The following SIRT7 variants were observed in gnomAD, a reference collection of about 807,000 sequenced individuals.
The protein encoded by SIRT7 is NAD-dependent protein deacetylase sirtuin-7.
Under a neutral mutation model 42.8 loss-of-function variants are expected in SIRT7, and 32 were observed. The observed-to-expected ratio is 0.75, with a 90% CI of 0.56 to 1.00. The LOEUF is 1.00. Among genes scored for constraint, SIRT7 ranks in the 50% least tolerant of loss-of-function variants. SIRT7 has a pLI of 0.00. For synonymous variants in SIRT7, 297 were observed against 245.2 expected (o/e 1.21, Z -1.97); for missense variants, 553 against 572.2 (o/e 0.97, Z 0.34).
Position 81,913,696 on chromosome 17 carries a change from C to G in SIRT7, c.1004+78G>C. The G allele has an allele frequency of 8.0e-7, 1 of 1,252,682 alleles. No homozygotes were observed. The highest frequency in any genetic ancestry group is 1.1e-6 in the Non-Finnish European group (1 of 881,934). The allele number at this position is 1,252,682 out of a possible 1,614,324, so 77.6% of individuals were successfully genotyped here. ...CAAACACCTCAGAGCTTCCTCCACA[C>G]TCAGCTCACGAGAGAAGACAGACAA... is the stretch of plus-strand genomic sequence containing the variant. On this transcript the variant is annotated intron_variant, in intron 9 of 9. Transcript: ENST00000328666. The surrounding 1 kb of genome is among the most constrained non-coding windows in gnomAD (Gnocchi z 5.0).
chr17:81,916,451 A>G (rs937041884), intron 3 of SIRT7: 1 of 146,972 alleles, frequency 6.8e-6, no homozygotes, highest in Non-Finnish European at 1.5e-5. Context: ...ACATAATTAC[A>G]TGACTGGACT....
At position 81,914,344 on chromosome 17, in the gene SIRT7, C is replaced by G. The variant is rs140054427; in HGVS notation, c.766G>C (p.Glu256Gln). 1 of 1,612,802 alleles carries G rather than the reference C, an allele frequency of 6.2e-7. No homozygotes were observed. Among genetic ancestry groups the G allele is most frequent in the Non-Finnish European group, 8.5e-7 (1 of 1,179,998 alleles). The change falls in exon 7 of 10, where the codon GAG becomes CAG. Residue 256 changes from glutamate to glutamine, a missense_variant. Glu to Gln is a conservative substitution (Grantham distance 29). Transcript: ENST00000328666. ...ATGGTGTCTGCTCTGCTGGCAGCCTCGGTCGCCGCTTCCCAGTTCAAAGGC... is the reference window on the plus strand; with the variant it reads ...ATGGTGTCTGCTCTGCTGGCAGCCTGGGTCGCCGCTTCCCAGTTCAAAGGC... Reference protein sequence around the residue: ...GQPLNWEAATEAASRADTILC... With the variant: ...GQPLNWEAATQAASRADTILC...
In SIRT7 at chr17:81,913,648, C is replaced by T. The variant is rs2040736486; in HGVS notation, c.1004+126G>A. On this transcript the variant is annotated intron_variant, in intron 9 of 9. Transcript: ENST00000328666. This position sits in a 1 kb window ranked among gnomAD's most constrained non-coding sequence, Gnocchi z 5.0. The stretch of plus-strand genomic sequence containing the variant: ...AGGCCCTCTGGAGACCACCACGCTT[C>T]AGTCATGCCTCAGGCACCACTGCAA... 4 of 811,912 alleles carry T rather than the reference C, an allele frequency of 4.9e-6. No individual in the cohort carries two copies. In the South Asian group the frequency reaches 6.7e-5, roughly 14 times the overall value. 50.3% of individuals were successfully genotyped at this position (811,912 alleles called of 1,614,324 possible).
intron 3 of SIRT7, chr17:81,915,922 C>G (rs1012403332): frequency 3.8e-6 from 2 of 524,666 alleles, no homozygotes; most frequent in East Asian, 3.5e-5. Context: ...CCAGGCTGCA[C>G]GCAGCCCTGC....
Position 81,915,797 on chromosome 17 carries a change from G to A in SIRT7, c.337-116C>T, listed in dbSNP as rs1484038171. 4.3e-6 allele frequency: 5 copies of A among 1,169,002 alleles called. No individual in the cohort carries two copies. In the African/African-American group the frequency reaches 4.6e-5, roughly 11 times the overall value. The allele number at this position is 1,169,002 out of a possible 1,614,324, so 72.4% of individuals were successfully genotyped here. A position where few individuals can be genotyped will look rare whatever the true frequency, so the allele number is the denominator to read the frequency against. On this transcript the variant is annotated intron_variant, in intron 3 of 9. Coordinates refer to ENST00000328666, the MANE Select transcript of SIRT7 (RefSeq NM_016538.3). ...TGCCGCATTCCGGGCTGGCCTGCAT[G>A]TTGGCCTCTATTCATTCCACAGGCT... is the stretch of plus-strand genomic sequence containing the variant.
chr17:81,912,319 A>T lies in SIRT7; in HGVS notation c.*97T>A. The T allele has an allele frequency of 6.9e-7, 1 of 1,446,900 alleles. No homozygotes were observed. Among genetic ancestry groups the T allele is most frequent in the Non-Finnish European group, 9.7e-7 (1 of 1,030,738 alleles). The allele number at this position is 1,446,900 out of a possible 1,614,324, so 89.6% of individuals were successfully genotyped here. ...ATGTCACGGTGAAAATGTCATCCCC[A>T]AAGAGTTCGTTCTCCCTAGACCCGT... On this transcript the variant is annotated 3_prime_UTR_variant, in exon 10 of 10. Coordinates refer to ENST00000328666, the MANE Select transcript of SIRT7 (RefSeq NM_016538.3).
chr17:81,913,639 A>G lies in SIRT7; in HGVS notation c.1004+135T>C. ...ACCGAGGTCAGGCCCTCTGGAGACC[A>G]CCACGCTTCAGTCATGCCTCAGGCA... On this transcript the variant is annotated intron_variant, in intron 9 of 9. Coordinates refer to ENST00000328666, the MANE Select transcript of SIRT7 (RefSeq NM_016538.3). This position sits in a 1 kb window ranked among gnomAD's most constrained non-coding sequence, Gnocchi z 5.0. The G allele has an allele frequency of 1.3e-6, 1 of 753,372 alleles. No homozygotes were observed. The highest frequency in any genetic ancestry group is 1.7e-5 in the South Asian group (1 of 58,248). 46.7% of individuals were successfully genotyped at this position (753,372 alleles called of 1,614,324 possible).
Position 81,914,317 on chromosome 17 carries a change from G to A in SIRT7, c.793C>T (p.Leu265=), listed in dbSNP as rs2040750466. 1.9e-6 allele frequency: 3 copies of A among 1,613,138 alleles called. No homozygotes were observed. Among genetic ancestry groups the A allele is most frequent in the Admixed American group, 1.7e-5 (1 of 60,028 alleles). The change falls in exon 7 of 10, where the codon CTG becomes TTG. Residue 265 remains leucine (L), a synonymous_variant. Transcript: ENST00000328666. The part of the protein sequence containing the change: ...TEAASRADTI[L]CLGSSLKVLK... ...ACCTTCAGGCTGGACCCTAGACACA[G>A]GATGGTGTCTGCTCTGCTGGCAGCC...
Position 81,918,064 on chromosome 17 carries a change from T to A in SIRT7, c.68A>T (p.Glu23Val). ...CTGGCGGAGGCGCTCCCTCTGCTGC[T>A]CCTCCCGCAACCTCCGGACCCGCTC... ...AAERVRRLREEQQRERLRQVS... is the reference protein window; with the variant it reads ...AAERVRRLREVQQRERLRQVS... Residue 23 changes from glutamate (E) to valine (V), a missense_variant, in exon 1 of 10, where the codon GAG becomes GTG. By Grantham distance (121) the Glu-to-Val change is moderately radical. Coordinates refer to ENST00000328666, the MANE Select transcript of SIRT7 (RefSeq NM_016538.3). 1 of 1,541,174 alleles carries A rather than the reference T, an allele frequency of 6.5e-7. No homozygotes were observed. The highest frequency in any genetic ancestry group is 8.7e-7 in the Non-Finnish European group (1 of 1,154,796).
At chr17:81,916,015 G>A in intron 3 of SIRT7, 1 of 363,718 alleles carries the variant, frequency 2.7e-6, no homozygotes, top group South Asian at 2.4e-5. Context: ...GGGAAGACTA[G>A]TCATGTTCCT....
intron 5 of SIRT7, chr17:81,915,184 G>C (rs1190766728): frequency 1.4e-5 from 8 of 572,928 alleles, no homozygotes; most frequent in Non-Finnish European, 2.5e-5. Flanking sequence ...AAATGCAAGG[G>C]AATCACAAAG....
intron 5 of SIRT7, 30 bp downstream of exon 5, chr17:81,915,410 G>A: frequency 1.9e-6 from 3 of 1,603,568 alleles, no homozygotes; most frequent in Non-Finnish European, 2.6e-6. Context: ...CTGGTCCCTG[G>A]CAAGTGTACC....
In SIRT7 at chr17:81,913,596, G is replaced by A. The variant is rs951374913; in HGVS notation, c.1004+178C>T. 8.9e-5 allele frequency: 54 copies of A among 603,494 alleles called. No homozygotes were observed. The highest frequency in any genetic ancestry group is 5.6e-4 in the African/African-American group (30 of 53,872). The allele number at this position is 603,494 out of a possible 1,614,324, so 37.4% of individuals were successfully genotyped here. A position where few individuals can be genotyped will look rare whatever the true frequency, so the allele number is the denominator to read the frequency against. ...ATCAGCCAGGGCAGGAGTGGCACAC[G>A]CAGGGTCTCCGCCAACCACCGAGGT... On this transcript the variant is annotated intron_variant, in intron 9 of 9. Transcript: ENST00000328666. The surrounding 1 kb of genome is among the most constrained non-coding windows in gnomAD (Gnocchi z 5.0).
At position 81,912,138 on chromosome 17, in the gene SIRT7, C is replaced by G; in HGVS notation, c.*278G>C. The G allele has an allele frequency of 2.0e-6, 1 of 507,884 alleles. No individual in the cohort carries two copies. Among genetic ancestry groups the G allele is most frequent in the Non-Finnish European group, 3.6e-6 (1 of 281,252 alleles). The allele number at this position is 507,884 out of a possible 1,614,324, so 31.5% of individuals were successfully genotyped here. A position where few individuals can be genotyped will look rare whatever the true frequency, so the allele number is the denominator to read the frequency against. ...CCGCTGGGCGCTTCCACTCTGCAGG[C>G]CGGGGCTGAAATAACCCGAGTTCCG... On this transcript the variant is annotated 3_prime_UTR_variant, in exon 10 of 10. Coordinates refer to ENST00000328666, the MANE Select transcript of SIRT7 (RefSeq NM_016538.3).
intron 1 of SIRT7, 35 bp downstream of exon 1, chr17:81,918,004 G>C (rs1022441270): frequency 7.3e-7 from 1 of 1,370,886 alleles, no homozygotes; most frequent in Non-Finnish European, 9.4e-7. Context: ...GGCGCGGGCC[G>C]GGCATGGCCG....
intron 4 of SIRT7, 46 bp downstream of exon 4, chr17:81,915,565 C>T (rs199927412): frequency 1.2e-6 from 2 of 1,613,138 alleles, no homozygotes; most frequent in Non-Finnish European, 1.7e-6. Flanking sequence ...CAGGCCCGTG[C>T]TGCCGCTGCC....
In SIRT7 at chr17:81,917,637, T is replaced by C. The variant is rs1232041428; in HGVS notation, c.314A>G (p.Tyr105Cys). 9.3e-6 allele frequency: 15 copies of C among 1,607,840 alleles called. No individual in the cohort carries two copies. The highest frequency in any genetic ancestry group is 1.2e-5 in the Non-Finnish European group (14 of 1,177,450). The stretch of plus-strand genomic sequence containing the variant: ...TACCGTGCTGATTCCCGCGCCTGTG[T>C]AGACGACCAAGTATTTGGCGTTCCG... The part of the protein sequence containing the change: ...AVRNAKYLVV[Y>C]TGAGISTAAS... The change falls in exon 3 of 10, where the codon TAC becomes TGC. Residue 105 changes from tyrosine to cysteine, a missense_variant. Coordinates refer to ENST00000328666, the MANE Select transcript of SIRT7 (RefSeq NM_016538.3).
rs2040674454 is a variant in SIRT7, at chr17:81,912,141, G to A, written c.*275C>T. 1.9e-6 allele frequency: 1 copy of A among 515,588 alleles called. No homozygotes were observed. 31.9% of individuals were successfully genotyped at this position (515,588 alleles called of 1,614,324 possible). On this transcript the variant is annotated 3_prime_UTR_variant, in exon 10 of 10. Transcript: ENST00000328666. ...CTGGGCGCTTCCACTCTGCAGGCCG[G>A]GGCTGAAATAACCCGAGTTCCGTTC... is the stretch of plus-strand genomic sequence containing the variant.
rs761773875 is a variant in SIRT7 at position 81,913,928 on chromosome 17, C to T, written c.898-48G>A. 5.8e-6 allele frequency: 9 copies of T among 1,544,764 alleles called. No homozygotes were observed. The highest frequency in any genetic ancestry group is 7.9e-6 in the Non-Finnish European group (9 of 1,140,326). ...GAGAGTAACAGCAGCCCAACCCTTC[C>T]CGGTGGCCTGTCAGCCTTGGCCCCT... On this transcript the variant is annotated intron_variant, in intron 8 of 9. Transcript: ENST00000328666. This position sits in a 1 kb window ranked among gnomAD's most constrained non-coding sequence, Gnocchi z 5.0.
Sources: gnomAD v4.1 joint callset for allele counts on GRCh38, gnomAD v4.1.1 for gene constraint, Gnocchi (gnomAD v3.1) non-coding constraint, MANE v1.5 for transcripts, NCBI Gene and HGNC (gene_info 2026-07-23, HGNC 2026-07-21) for gene names.